The following PHLPP1 variants were observed in gnomAD, a reference collection of about 807,000 sequenced individuals.
PHLPP1 encodes PH domain leucine-rich repeat-containing protein phosphatase 1.
Under a neutral mutation model 117.2 loss-of-function variants are expected in PHLPP1, and 42 were observed. The observed-to-expected ratio is 0.36, with a 90% CI of 0.28 to 0.46. The LOEUF is 0.46. PHLPP1 is among the 20% of genes least tolerant of loss of function. PHLPP1 has a pLI of 1.00. For synonymous variants in PHLPP1, 1,042 were observed against 970.7 expected (o/e 1.07, Z -1.37); for missense variants, 2,084 against 2,241.9 (o/e 0.93, Z 1.42).
chr18:62,762,430 T>C (rs1281035539), intron 1 of PHLPP1, among the ~76,000 whole-genome samples: 10 of 149,402 alleles, frequency 6.7e-5, no homozygotes, highest in Admixed American at 6.6e-4. Context: ...TTTTTTTTTT[T>C]TTTGAGAAGG....
At chr18:62,919,770 G>A (rs1247602033) in intron 9 of PHLPP1, among the ~76,000 whole-genome samples, 189 bp from the exon 10 acceptor site, 1 of 152,056 alleles carries the variant, frequency 6.6e-6, no homozygotes, top group Non-Finnish European at 1.5e-5. Flanking sequence ...CTCAATATTT[G>A]TTTACATAGT....
At chr18:62,948,176 T>C (rs1181144841) in intron 12 of PHLPP1, among the ~76,000 whole-genome samples, 24 of 151,504 alleles carry the variant, frequency 1.6e-4, no homozygotes, top group Non-Finnish European at 2.9e-5. Flanking sequence ...AATACAAAAA[T>C]TAGCCAGGTG....
chr18:62,731,619 A>G (rs1022638194), intron 1 of PHLPP1, among the ~76,000 whole-genome samples: 1 of 152,208 alleles, frequency 6.6e-6, no homozygotes. Context: ...CTCACATTAA[A>G]TCAAAAGCTG....
At chr18:62,814,812 T>G (rs1914216260) in intron 1 of PHLPP1, among the ~76,000 whole-genome samples, 1 of 152,248 alleles carries the variant, frequency 6.6e-6, no homozygotes. Context: ...TTATACAAAG[T>G]CCTATAAATT....
Position 62,741,775 on chromosome 18 carries a change from G to C in PHLPP1, c.1576+24516G>C, listed in dbSNP as rs145644051. On this transcript the variant is annotated intron_variant, in intron 1 of 16. Transcript: ENST00000262719. ...ACTGAATAGTAGCTTGGGTTACAGGGTACGTGAAAGAGCATTGCAAATAGG... is the reference window on the plus strand; with the variant it reads ...ACTGAATAGTAGCTTGGGTTACAGGCTACGTGAAAGAGCATTGCAAATAGG... Among the ~76,000 whole-genome samples, 27 of 151,260 alleles carry C rather than the reference G, an allele frequency of 1.8e-4. No individual in the cohort carries two copies. The East Asian group carries it at 5.0e-3, about 28-fold the overall frequency.
chr18:62,974,078 A>G (rs773575367), intron 15 of PHLPP1, among the ~76,000 whole-genome samples: 1 of 152,196 alleles, frequency 6.6e-6, no homozygotes, highest in South Asian at 2.1e-4. Context: ...ACAACCCCCA[A>G]AAGGTCTGCT....
chr18:62,916,294 C>T (rs1024298952), intron 9 of PHLPP1, among the ~76,000 whole-genome samples: 2 of 151,356 alleles, frequency 1.3e-5, no homozygotes, highest in Admixed American at 1.3e-4. Flanking sequence ...GGGGTATATT[C>T]TGGGTTAAAT....
In PHLPP1 at chr18:62,820,945, A is replaced by G. The variant is rs182799977; in HGVS notation, c.1577-9090A>G. On this transcript the variant is annotated intron_variant, in intron 1 of 16. Transcript: ENST00000262719. ...CACAATGGGATTAAACCAGAGACCA[A>G]TAAAAGAAAGATAGCTGGAAAATCT... 1.8e-3 allele frequency among the ~76,000 whole-genome samples: 267 copies of G among 152,376 alleles called. 2 individuals are homozygous for G. Among genetic ancestry groups the G allele is most frequent in the Admixed American group, 4.0e-3 (61 of 15,304 alleles).
At chr18:62,849,826 A>ATATATATATATATATATATAT (rs1371664083) in intron 3 of PHLPP1, among the ~76,000 whole-genome samples, 9 of 33,826 alleles carry the variant, frequency 2.7e-4, no homozygotes, top group Non-Finnish European at 3.9e-4. Flanking sequence ...AAAAAAAAAA[A>ATATATATATATATATATATAT]AAAAAAATAT....
At chr18:62,758,416 C>T (rs544168419) in intron 1 of PHLPP1, among the ~76,000 whole-genome samples, 2 of 152,126 alleles carry the variant, frequency 1.3e-5, no homozygotes, top group Middle Eastern at 3.2e-3. Flanking sequence ...GGTATCCTTT[C>T]GTGCTCAACC....
intron 4 of PHLPP1, among the ~76,000 whole-genome samples, chr18:62,876,695 C>G (rs1450155967): frequency 3.3e-5 from 5 of 152,190 alleles, no homozygotes; most frequent in Non-Finnish European, 7.3e-5. Flanking sequence ...TTTAAGGGGA[C>G]ATCAGTCACT....
At chr18:62,882,946 T>TAAAAAAAAAAAA (rs35265223) in intron 4 of PHLPP1, among the ~76,000 whole-genome samples, 4 of 121,506 alleles carry the variant, frequency 3.3e-5, no homozygotes, top group African/African-American at 6.3e-5. Context: ...GACCACATCT[T>TAAAAAAAAAAAA]AAAAAAAAAA....
intron 1 of PHLPP1, among the ~76,000 whole-genome samples, chr18:62,784,616 C>T (rs1913223179): frequency 6.6e-6 from 1 of 152,236 alleles, no homozygotes; most frequent in African/African-American, 2.4e-5. Context: ...GGAGAATTAT[C>T]ACTAATAAAA....
At chr18:62,730,804 A>C (rs1911205108) in intron 1 of PHLPP1, among the ~76,000 whole-genome samples, 1 of 152,202 alleles carries the variant, frequency 6.6e-6, no homozygotes, top group African/African-American at 2.4e-5. Context: ...AAAAAAAAAA[A>C]AAAACTGTTT....
chr18:62,899,382 C>T (rs1271527258), intron 6 of PHLPP1, among the ~76,000 whole-genome samples: 1 of 152,178 alleles, frequency 6.6e-6, no homozygotes, highest in East Asian at 1.9e-4. Flanking sequence ...CAAACTTGCC[C>T]TGTGCTCTTC....
intron 1 of PHLPP1, among the ~76,000 whole-genome samples, chr18:62,769,441 G>A (rs1038484299): frequency 4.2e-4 from 64 of 152,140 alleles, no homozygotes; most frequent in African/African-American, 1.4e-3. Context: ...TGGGGAGGGA[G>A]GATAAACAAC....
At chr18:62,886,246 C>T (rs1454166415) in intron 4 of PHLPP1, among the ~76,000 whole-genome samples, 1 of 152,114 alleles carries the variant, frequency 6.6e-6, no homozygotes, top group African/African-American at 2.4e-5. Flanking sequence ...CTTGAGGGCC[C>T]CACCCTTGGC....
chr18:62,734,639 TCTGA>T (rs1339282928), intron 1 of PHLPP1, among the ~76,000 whole-genome samples: 1 of 152,250 alleles, frequency 6.6e-6, no homozygotes, highest in Non-Finnish European at 1.5e-5. Flanking sequence ...TTTCAGCCTG[TCTGA>T]CTAAAATAAG....
intron 1 of PHLPP1, among the ~76,000 whole-genome samples, chr18:62,742,249 A>G (rs1254359850): frequency 6.6e-6 from 1 of 152,310 alleles, no homozygotes; most frequent in Non-Finnish European, 1.5e-5. Flanking sequence ...TGAACACACA[A>G]GAACAACCAC....
Sources: gnomAD v4.1 joint callset for allele counts (sites outside exome capture counted in the v4.1 genomes callset) on GRCh38, gnomAD v4.1.1 for gene constraint, MANE v1.5 for transcripts, NCBI Gene and HGNC (gene_info 2026-07-23, HGNC 2026-07-21) for gene names.